The following PCDH15 variants were observed in gnomAD, a reference collection of about 807,000 sequenced individuals.
PCDH15 encodes protocadherin-15.
A neutral mutation model predicts 178.5 loss-of-function variants in PCDH15; 129 were observed. That is an observed-to-expected ratio of 0.72 (90% CI 0.63 to 0.84). The LOEUF (loss-of-function observed/expected upper bound fraction) is 0.84. Ranked by LOEUF, PCDH15 falls within the 40% of genes least tolerant of loss-of-function variation. The pLI is 0.00. For synonymous variants in PCDH15, 800 were observed against 732.0 expected, an observed-to-expected ratio of 1.09 and a Z score of -1.50; for missense variants, 2,230 against 2,099.9, an observed-to-expected ratio of 1.06 and a Z score of -1.21.
chr10:54,783,254 G>T (rs189979568), intron 1 of PCDH15, among the ~76,000 whole-genome samples: 19 of 152,110 alleles, frequency 1.2e-4, no homozygotes, highest in African/African-American at 3.4e-4. Flanking sequence ...ATCTGAATGA[G>T]AAATTCAACA....
intron 5 of PCDH15, among the ~76,000 whole-genome samples, chr10:54,353,645 C>T (rs895288141): frequency 6.8e-6 from 1 of 148,004 alleles, no homozygotes; most frequent in South Asian, 2.1e-4. Context: ...TTTTGCTCAA[C>T]TTAATGTTTT....
At chr10:55,084,053 C>T (rs1842104652) in intron 2 of PCDH15, among the ~76,000 whole-genome samples, 1 of 151,198 alleles carries the variant, frequency 6.6e-6, no homozygotes, top group Admixed American at 6.6e-5. Flanking sequence ...TGACATTCTT[C>T]ACAAAAATAT....
intron 21 of PCDH15, among the ~76,000 whole-genome samples, chr10:53,973,499 T>C (rs1477541317): frequency 2.0e-5 from 3 of 152,162 alleles, no homozygotes; most frequent in Non-Finnish European, 4.4e-5. Context: ...CGGCGATATA[T>C]TTCTTTTCTA....
intron 2 of PCDH15, among the ~76,000 whole-genome samples, chr10:54,604,156 G>A (rs1590424637): frequency 2.6e-5 from 4 of 152,060 alleles, no homozygotes; most frequent in Middle Eastern, 6.8e-3. Flanking sequence ...ACTTGATACA[G>A]TTTCTATCAT....
chr10:55,618,546 T>C (rs887679804), intron 2 of PCDH15, among the ~76,000 whole-genome samples: 1 of 152,070 alleles, frequency 6.6e-6, no homozygotes, highest in African/African-American at 2.4e-5. Context: ...TGTGCTTTTC[T>C]ACTACTCTTC....
intron 2 of PCDH15, among the ~76,000 whole-genome samples, chr10:55,011,040 A>T (rs1840034760): frequency 6.6e-6 from 1 of 152,266 alleles, no homozygotes; most frequent in South Asian, 2.1e-4. Flanking sequence ...TTTGAAGAGG[A>T]ATAACTGAAA....
At chr10:54,519,492 A>G (rs2082609492) in intron 3 of PCDH15, among the ~76,000 whole-genome samples, 1 of 152,184 alleles carries the variant, frequency 6.6e-6, no homozygotes, top group African/African-American at 2.4e-5. Flanking sequence ...ATACCTAGAA[A>G]TCTGACTTAC....
chr10:54,870,459 ACT>A (rs1275392275), intron 3 of PCDH15, among the ~76,000 whole-genome samples: 1 of 152,108 alleles, frequency 6.6e-6, no homozygotes, highest in Non-Finnish European at 1.5e-5. Context: ...ACCTAAAGTC[ACT>A]GAGTTAGTTT....
chr10:54,622,610 T>G (rs1276409232), intron 2 of PCDH15, among the ~76,000 whole-genome samples: 2 of 93,656 alleles, frequency 2.1e-5, no homozygotes, highest in East Asian at 2.6e-4. Context: ...ATATATATAA[T>G]TATATATAAT....
intron 2 of PCDH15, among the ~76,000 whole-genome samples, chr10:54,638,333 G>A (rs868283843): frequency 8.6e-5 from 13 of 151,686 alleles, no homozygotes; most frequent in African/African-American, 3.1e-4. Flanking sequence ...GAAACCCATG[G>A]CCTCCCAAAT....
intron 1 of PCDH15, among the ~76,000 whole-genome samples, chr10:54,772,174 T>C (rs115631105): frequency 0.02 from 3,105 of 152,264 alleles, 102 homozygotes; most frequent in African/African-American, 0.069. Flanking sequence ...TTTATAGCTA[T>C]ATAATATTAC....
At chr10:53,841,774 A>G (rs1287392433) in intron 28 of PCDH15, among the ~76,000 whole-genome samples, 4 of 152,154 alleles carry the variant, frequency 2.6e-5, no homozygotes, top group African/African-American at 9.7e-5. Flanking sequence ...CTAAGAAAAG[A>G]TGATGTGTAA....
At chr10:55,438,385 A>G (rs1413937744) in intron 2 of PCDH15, among the ~76,000 whole-genome samples, 1 of 152,152 alleles carries the variant, frequency 6.6e-6, no homozygotes, top group East Asian at 1.9e-4. Context: ...ATCAGTAGGA[A>G]ATAAGTTAAA....
At chr10:54,136,758 A>G (rs2042942277) in intron 14 of PCDH15, among the ~76,000 whole-genome samples, 4 of 152,174 alleles carry the variant, frequency 2.6e-5, no homozygotes, top group Non-Finnish European at 5.9e-5. Flanking sequence ...CAGACAAAAC[A>G]CAGAGACAAA....
intron 2 of PCDH15, among the ~76,000 whole-genome samples, chr10:54,634,807 A>T (rs1372189380): frequency 6.6e-6 from 1 of 152,060 alleles, no homozygotes; most frequent in Non-Finnish European, 1.5e-5. Flanking sequence ...GCATCTTCAC[A>T]ATTATAAACT....
At chr10:53,972,816 A>T (rs1196639959) in intron 21 of PCDH15, among the ~76,000 whole-genome samples, 1 of 152,170 alleles carries the variant, frequency 6.6e-6, no homozygotes, top group African/African-American at 2.4e-5. Context: ...GATGTGGAGA[A>T]ACAGGAACAC....
chr10:54,722,299 C>G (rs1361733127), intron 1 of PCDH15, among the ~76,000 whole-genome samples: 1 of 151,134 alleles, frequency 6.6e-6, no homozygotes, highest in Non-Finnish European at 1.5e-5. Flanking sequence ...TCCATAAGAA[C>G]TGGAACAAGA....
chr10:54,390,453 C>G (rs778554403), intron 3 of PCDH15, among the ~76,000 whole-genome samples: 1 of 152,134 alleles, frequency 6.6e-6, no homozygotes, highest in East Asian at 1.9e-4. Flanking sequence ...CCACCACGCC[C>G]GGCTAATTTT....
intron 1 of PCDH15, among the ~76,000 whole-genome samples, chr10:54,736,684 T>C (rs548016318): frequency 6.6e-6 from 1 of 152,222 alleles, no homozygotes; most frequent in Non-Finnish European, 1.5e-5. Context: ...TAGGTCTGAA[T>C]ATACCTTCTT....
Sources: gnomAD v4.1 joint callset for allele counts (sites outside exome capture counted in the v4.1 genomes callset) on GRCh38, gnomAD v4.1.1 for gene constraint, MANE v1.5 for transcripts, NCBI Gene and HGNC (gene_info 2026-07-23, HGNC 2026-07-21) for gene names.